The following MEIKIN variants were observed in gnomAD, a reference collection of about 807,000 sequenced individuals.
MEIKIN encodes meiosis-specific kinetochore protein.
chr5:131,850,802 T>C (rs1405312737), intron 11 of MEIKIN, among the ~76,000 whole-genome samples: 1 of 152,038 alleles, frequency 6.6e-6, no homozygotes, highest in East Asian at 1.9e-4. Context: ...TAGCTGGGCA[T>C]GGTGGTGTAT....
At chr5:131,871,038 T>C (rs1182615115) in intron 9 of MEIKIN, among the ~76,000 whole-genome samples, 4 of 152,168 alleles carry the variant, frequency 2.6e-5, no homozygotes, top group Admixed American at 6.5e-5. Flanking sequence ...GATGGCCGAA[T>C]AGGAACAGCT....
intron 8 of MEIKIN, among the ~76,000 whole-genome samples, chr5:131,882,044 C>G (rs755694659): frequency 6.6e-5 from 10 of 152,132 alleles, no homozygotes; most frequent in Non-Finnish European, 1.2e-4. Context: ...TCCAATTTCT[C>G]AAGAATTTAA....
At chr5:131,865,293 C>T (rs544887571) in intron 9 of MEIKIN, among the ~76,000 whole-genome samples, 13 of 152,166 alleles carry the variant, frequency 8.5e-5, no homozygotes, top group Non-Finnish European at 1.8e-4. Context: ...AATCTCCACT[C>T]ACTGCAAGCT....
intron 8 of MEIKIN, among the ~76,000 whole-genome samples, chr5:131,895,345 T>C (rs1230799611): frequency 2.0e-5 from 3 of 152,178 alleles, no homozygotes; most frequent in Non-Finnish European, 4.4e-5. Context: ...TGGTCTAAAA[T>C]TCTCTTTTTT....
intron 9 of MEIKIN, among the ~76,000 whole-genome samples, chr5:131,866,571 C>A (rs748746713): frequency 1.3e-5 from 2 of 152,226 alleles, no homozygotes; most frequent in Non-Finnish European, 2.9e-5. Flanking sequence ...CTGGCTTCAT[C>A]TGAGCCTTGG....
At chr5:131,836,594 C>T (rs1420604368) in intron 11 of MEIKIN, among the ~76,000 whole-genome samples, 1 of 152,112 alleles carries the variant, frequency 6.6e-6, no homozygotes, top group Non-Finnish European at 1.5e-5. Context: ...GCCATTCTAA[C>T]TGGTGTGAGA....
intron 12 of MEIKIN, among the ~76,000 whole-genome samples, 189 bp downstream of exon 12, chr5:131,818,551 G>C (rs531163184): frequency 3.5e-4 from 53 of 152,190 alleles, no homozygotes; most frequent in African/African-American, 1.3e-3. Context: ...TATCCAAAGT[G>C]CTGGGATTAT....
At chr5:131,893,507 G>A (rs1223845033) in intron 8 of MEIKIN, among the ~76,000 whole-genome samples, 4 of 152,210 alleles carry the variant, frequency 2.6e-5, no homozygotes, top group African/African-American at 9.6e-5. Context: ...TCTTTGACTA[G>A]GAAAGGGAAT....
At chr5:131,837,927 G>A (rs1310657573) in intron 11 of MEIKIN, among the ~76,000 whole-genome samples, 5 of 151,918 alleles carry the variant, frequency 3.3e-5, no homozygotes, top group African/African-American at 7.2e-5. Context: ...GGCATTCTTG[G>A]CTTTCTTGTG....
chr5:131,930,933 G>A (rs1192802082), intron 5 of MEIKIN, among the ~76,000 whole-genome samples: 1 of 152,152 alleles, frequency 6.6e-6, no homozygotes, highest in Non-Finnish European at 1.5e-5. Context: ...TTTTGAATTA[G>A]TTGTCAGACA....
At position 131,824,622 on chromosome 5, in the gene MEIKIN, A is replaced by C. The variant is rs141084168; in HGVS notation, c.976-5759T>G. 4.7e-3 allele frequency among the ~76,000 whole-genome samples: 716 copies of C among 152,310 alleles called. 8 individuals carry two copies. Among genetic ancestry groups the C allele is most frequent in the African/African-American group, 0.016 (680 of 41,580 alleles). On this transcript the variant is annotated intron_variant, in intron 11 of 12. Transcript: ENST00000442687. ...GAAATGAAAAAGTTTTTGAAATAAA[A>C]AATTCAGCGAAAGGCTTAAGAAGCA...
chr5:131,898,939 T>C (rs1751103138), intron 8 of MEIKIN, among the ~76,000 whole-genome samples: 1 of 152,174 alleles, frequency 6.6e-6, no homozygotes, highest in Non-Finnish European at 1.5e-5. Flanking sequence ...GTACCCACTG[T>C]CCAAGCAGTC....
At chr5:131,928,210 T>C (rs1296353066) in intron 5 of MEIKIN, among the ~76,000 whole-genome samples, 2 of 152,156 alleles carry the variant, frequency 1.3e-5, no homozygotes, top group Non-Finnish European at 2.9e-5. Flanking sequence ...GTCTTGTTCT[T>C]TTATCCATTC....
In MEIKIN at chr5:131,932,526, C is replaced by T. The variant is rs894882529; in HGVS notation, c.478+987G>A. ...CTCAACCATTTAAGCAATTTGAAAG[C>T]TTTTCTTAAATTGTGTTTGTTGCAG... On this transcript the variant is annotated intron_variant, in intron 5 of 12. Coordinates refer to ENST00000442687, the MANE Select transcript of MEIKIN (RefSeq NM_001303622.2). Among the ~76,000 whole-genome samples the T allele has an allele frequency of 4.9e-5, 7 of 143,578 alleles. No individual in the cohort carries two copies. In the South Asian group the frequency reaches 6.9e-4, roughly 14 times the overall value. The allele number at this position is 143,578 out of a possible 152,430, so 94.2% of individuals were successfully genotyped here. A position where few individuals can be genotyped will look rare whatever the true frequency, so the allele number is the denominator to read the frequency against.
At chr5:131,910,771 A>T (rs1751321513) in intron 8 of MEIKIN, among the ~76,000 whole-genome samples, 1 of 152,040 alleles carries the variant, frequency 6.6e-6, no homozygotes, top group African/African-American at 2.4e-5. Flanking sequence ...TGTAAAAAAA[A>T]ATCTCTAGAG....
intron 9 of MEIKIN, among the ~76,000 whole-genome samples, chr5:131,874,106 C>G (rs1430760346): frequency 1.3e-5 from 2 of 152,090 alleles, no homozygotes; most frequent in Non-Finnish European, 2.9e-5. Flanking sequence ...AGAGCAAACA[C>G]ATTCAAAAGC....
At chr5:131,834,954 T>C (rs1401027309) in intron 11 of MEIKIN, among the ~76,000 whole-genome samples, 1 of 152,162 alleles carries the variant, frequency 6.6e-6, no homozygotes, top group African/African-American at 2.4e-5. Context: ...CTCTTGCCTA[T>C]ACTTTTTAAT....
intron 2 of MEIKIN, 59 bp from the exon 3 acceptor site, chr5:131,944,811 G>A (rs1751933753): frequency 2.5e-6 from 1 of 398,858 alleles, no homozygotes; most frequent in South Asian, 1.3e-4. Context: ...CCACGTCTCT[G>A]TTCAGACTCT....
intron 12 of MEIKIN, among the ~76,000 whole-genome samples, chr5:131,809,975 C>G (rs1265122622): frequency 2.6e-5 from 4 of 152,168 alleles, no homozygotes; most frequent in African/African-American, 7.2e-5. Flanking sequence ...ATCTCTAGTC[C>G]TCACAACAAT....
Sources: gnomAD v4.1 joint callset for allele counts (sites outside exome capture counted in the v4.1 genomes callset) on GRCh38, gnomAD v4.1.1 for gene constraint, MANE v1.5 for transcripts, NCBI Gene and HGNC (gene_info 2026-07-23, HGNC 2026-07-21) for gene names.